The following LRRTM3 variants were observed in gnomAD, a reference collection of about 807,000 sequenced individuals.
LRRTM3 encodes leucine-rich repeat transmembrane neuronal protein 3.
LRRTM3 carries 24 observed loss-of-function variants against 44.7 expected under a neutral mutation model. The ratio of observed to expected loss-of-function variants is 0.54; its 90% CI spans 0.39 to 0.76. The LOEUF (loss-of-function observed/expected upper bound fraction) is 0.76. LRRTM3 is among the 30% of genes least tolerant of loss of function. The probability of loss-of-function intolerance (pLI) is 0.00; values close to 1 mark genes in which losing one functional copy is unlikely to be tolerated. For synonymous variants in LRRTM3, 277 were observed against 278.7 expected, an observed-to-expected ratio of 0.99 and a Z score of 0.06; for missense variants, 587 against 702.2, an observed-to-expected ratio of 0.84 and a Z score of 1.85.
chr10:67,077,246 T>C (rs1856791187), intron 2 of LRRTM3, among the ~76,000 whole-genome samples: 1 of 152,152 alleles, frequency 6.6e-6, no homozygotes, highest in Non-Finnish European at 1.5e-5. Context: ...TTGTCCCTCC[T>C]CTCCAGAATG....
chr10:66,991,775 A>G (rs777687723), intron 2 of LRRTM3, among the ~76,000 whole-genome samples: 1 of 152,214 alleles, frequency 6.6e-6, no homozygotes, highest in Non-Finnish European at 1.5e-5. Flanking sequence ...TTCATAAAGT[A>G]TATCACATGT....
chr10:67,002,616 G>A (rs1464854206), intron 2 of LRRTM3, among the ~76,000 whole-genome samples: 4 of 152,120 alleles, frequency 2.6e-5, no homozygotes, highest in South Asian at 2.1e-4. Flanking sequence ...TCAGAGCTGT[G>A]TTTAATGGCT....
chr10:67,054,511 A>T (rs1855305019), intron 2 of LRRTM3: 1 of 152,190 alleles, frequency 6.6e-6, no homozygotes, highest in Non-Finnish European at 1.5e-5. Flanking sequence ...GGGTTCAACA[A>T]TGGCGACTTT....
chr10:66,934,298 C>A (rs1239999695), intron 2 of LRRTM3, among the ~76,000 whole-genome samples: 1 of 152,008 alleles, frequency 6.6e-6, no homozygotes, highest in East Asian at 1.9e-4. Context: ...CTCACTTCTC[C>A]CAATCAGGAT....
In LRRTM3 at chr10:67,010,911, T is replaced by C. The variant is rs115588808; in HGVS notation, c.1536+82459T>C. On this transcript the variant is annotated intron_variant, in intron 2 of 2. Coordinates refer to ENST00000361320, the MANE Select transcript of LRRTM3 (RefSeq NM_178011.5). ...ACATTATTTCTTCTAAACCTAACAA[T>C]TGAATTGACATTTTCAAAAACACAT... Among the ~76,000 whole-genome samples, 884 of 152,284 alleles carry C rather than the reference T, an allele frequency of 5.8e-3. 11 individuals carry two copies. The highest frequency in any genetic ancestry group is 0.02 in the African/African-American group (842 of 41,542).
intron 2 of LRRTM3, among the ~76,000 whole-genome samples, chr10:67,013,862 A>G (rs1404183782): frequency 6.6e-6 from 1 of 152,106 alleles, no homozygotes; most frequent in Non-Finnish European, 1.5e-5. Context: ...CACTCTCACA[A>G]GGATGTAGAT....
intron 2 of LRRTM3, among the ~76,000 whole-genome samples, chr10:66,931,363 T>C (rs1847381198): frequency 6.6e-6 from 1 of 152,198 alleles, no homozygotes; most frequent in African/African-American, 2.4e-5. Context: ...TGTAGTTAAA[T>C]AGTCCCAGTG....
chr10:67,005,687 T>TTTTTTTTTTTGTTTG (rs1851936067), intron 2 of LRRTM3, among the ~76,000 whole-genome samples: 1 of 102,258 alleles, frequency 9.8e-6, no homozygotes, highest in African/African-American at 3.1e-5. Context: ...TCCATCTTTT[T>TTTTTTTTTTTGTTTG]TTTTTTTTTT....
intron 2 of LRRTM3, among the ~76,000 whole-genome samples, chr10:66,928,886 G>A (rs1847220973): frequency 6.6e-6 from 1 of 152,152 alleles, no homozygotes; most frequent in Non-Finnish European, 1.5e-5. Flanking sequence ...CCAGGTGCTC[G>A]GAGCTTGAGC....
chr10:67,078,521 TA>T (rs1856857837), intron 2 of LRRTM3, among the ~76,000 whole-genome samples: 2 of 152,144 alleles, frequency 1.3e-5, no homozygotes, highest in African/African-American at 2.4e-5. Flanking sequence ...CCTTTTTTAT[TA>T]TTATTATTAT....
intron 2 of LRRTM3, among the ~76,000 whole-genome samples, chr10:67,082,365 C>T (rs184329755): frequency 5.4e-4 from 82 of 152,174 alleles, no homozygotes; most frequent in Admixed American, 2.9e-3. Flanking sequence ...GCACAAATTG[C>T]GATTTCGCTA....
intron 2 of LRRTM3, among the ~76,000 whole-genome samples, chr10:67,033,834 GAT>G (rs1350000288): frequency 9.2e-5 from 14 of 152,068 alleles, no homozygotes; most frequent in Admixed American, 7.2e-4. Context: ...GCAGTGGTGC[GAT>G]CTCAGCTCAC....
At chr10:67,016,653 T>G (rs1232258124) in intron 2 of LRRTM3, among the ~76,000 whole-genome samples, 4 of 152,190 alleles carry the variant, frequency 2.6e-5, no homozygotes, top group African/African-American at 9.7e-5. Context: ...CAAATATTTT[T>G]GGGGGAAAGG....
At chr10:66,932,318 T>G (rs1222455599) in intron 2 of LRRTM3, among the ~76,000 whole-genome samples, 1 of 152,136 alleles carries the variant, frequency 6.6e-6, no homozygotes, top group Non-Finnish European at 1.5e-5. Flanking sequence ...TTTACCAAAA[T>G]GAGAACTCAA....
chr10:66,962,497 T>C (rs7921811), intron 2 of LRRTM3, among the ~76,000 whole-genome samples: 34,665 of 151,124 alleles, frequency 0.23, 4,259 homozygotes, highest in East Asian at 0.37. Flanking sequence ...GCAATCTCCA[T>C]CTCCCGGGTT....
chr10:66,980,586 G>A (rs1294230493), intron 2 of LRRTM3, among the ~76,000 whole-genome samples: 1 of 145,578 alleles, frequency 6.9e-6, no homozygotes, highest in Admixed American at 6.8e-5. Context: ...GATTAAATGA[G>A]CCAAATGAGT....
intron 2 of LRRTM3, among the ~76,000 whole-genome samples, chr10:66,952,110 A>G (rs1848566669): frequency 1.3e-5 from 2 of 152,162 alleles, no homozygotes; most frequent in Admixed American, 6.5e-5. Flanking sequence ...TCTCCCCCCA[A>G]TATTTTTAAG....
chr10:67,062,967 C>T (rs1355889812), intron 2 of LRRTM3, among the ~76,000 whole-genome samples: 1 of 151,860 alleles, frequency 6.6e-6, no homozygotes, highest in East Asian at 1.9e-4. Flanking sequence ...GAGAGTTAAT[C>T]GTTTTGTTTT....
chr10:67,050,116 T>C (rs1854990016), intron 2 of LRRTM3, among the ~76,000 whole-genome samples: 1 of 152,230 alleles, frequency 6.6e-6, no homozygotes, highest in Non-Finnish European at 1.5e-5. Context: ...CTGATTTCCA[T>C]TGCCCGGATT....
Sources: allele counts gnomAD v4.1 joint callset (sites outside exome capture counted in the v4.1 genomes callset), GRCh38; gene constraint gnomAD v4.1.1; transcripts MANE v1.5; gene names NCBI Gene and HGNC (gene_info 2026-07-23, HGNC 2026-07-21).